The following SYNE1 variants were observed in gnomAD, a reference collection of about 807,000 sequenced individuals.
SYNE1 encodes nesprin-1.
A neutral mutation model predicts 1,111.0 loss-of-function variants in SYNE1; 616 were observed. The ratio of observed to expected loss-of-function variants is 0.55; its 90% CI spans 0.52 to 0.59. The LOEUF is 0.59. Ranked by LOEUF, SYNE1 falls within the 20% of genes least tolerant of loss-of-function variation. SYNE1 has a pLI of 0.00. For missense variants in SYNE1, 10,006 were observed against 10,417.0 expected (o/e 0.96, Z 1.72); for synonymous variants, 3,855 against 3,825.8 (o/e 1.01, Z -0.28).
chr6:152,409,797 G>T (rs1318076063), intron 42 of SYNE1, 88 bp from the exon 43 acceptor site: 3 of 1,393,042 alleles, frequency 2.2e-6, no homozygotes, highest in Non-Finnish European at 3.0e-6. Flanking sequence ...GTTTCACTAC[G>T]TAAAGGTATT....
chr6:152,607,103 G>GC (rs984122737), intron 3 of SYNE1, among the ~76,000 whole-genome samples: 29 of 144,246 alleles, frequency 2.0e-4, no homozygotes, highest in African/African-American at 7.0e-4. Flanking sequence ...TCCTGCCTCA[G>GC]CCCCCCCAGT....
chr6:152,367,442 A>C (rs564986015), intron 61 of SYNE1, 60 bp from the exon 62 acceptor site: 1 of 1,598,524 alleles, frequency 6.3e-7, no homozygotes, highest in South Asian at 1.1e-5. Context: ...CTGCAAAGCT[A>C]ACAGTTTGTT....
In SYNE1 at chr6:152,230,697, C is replaced by A; in HGVS notation, c.21045G>T (p.Gln7015His). ...ILQGLVTEKIQLLEGLLESWS... is the reference protein window; with the variant it reads ...ILQGLVTEKIHLLEGLLESWS... ...AAGATTCCAATAAGCCTTCCAACAG[C>A]TGGATCTGAACAAACACAATAAAAT... The change falls in exon 115 of 146, where the codon CAG (glutamine) becomes CAT (histidine). Residue 7015 changes from glutamine (Q) to histidine (H), a missense_variant. By Grantham distance (24) the Gln-to-His change is conservative (BLOSUM62 0). Coordinates refer to ENST00000367255, the MANE Select transcript of SYNE1 (RefSeq NM_182961.4). 3 of 1,613,894 alleles carry A rather than the reference C, an allele frequency of 1.9e-6. No homozygotes were observed. Among genetic ancestry groups the A allele is most frequent in the Non-Finnish European group, 2.5e-6 (3 of 1,179,890 alleles).
intron 39 of SYNE1, among the ~76,000 whole-genome samples, chr6:152,420,768 T>G (rs2098245907): frequency 6.9e-6 from 1 of 145,906 alleles, no homozygotes; most frequent in African/African-American, 2.7e-5. Flanking sequence ...GAAACATTGC[T>G]GATTCTTTTT....
chr6:152,326,095 C>G lies in SYNE1; in HGVS notation c.15301G>C (p.Ala5101Pro). 6.2e-7 allele frequency: 1 copy of G among 1,614,110 alleles called. No individual in the cohort carries two copies. The highest frequency in any genetic ancestry group is 8.5e-7 in the Non-Finnish European group (1 of 1,180,032). Residue 5101 changes from alanine to proline, a missense_variant, in exon 80 of 146, where the codon GCT becomes CCT. Coordinates refer to ENST00000367255, the MANE Select transcript of SYNE1 (RefSeq NM_182961.4). Reference protein sequence around the residue: ...AQVDLLQRCTAQWHDYQKARE... With the variant: ...AQVDLLQRCTPQWHDYQKARE... The stretch of plus-strand genomic sequence containing the variant: ...GCTTTCTGGTAATCGTGCCATTGAG[C>G]TGTGCATCTTGAAAGAGTCCAACAG...
intron 128 of SYNE1, among the ~76,000 whole-genome samples, chr6:152,181,991 T>A (rs2068211252): frequency 6.6e-6 from 1 of 152,210 alleles, no homozygotes; most frequent in South Asian, 2.1e-4. Context: ...TTGATTTGCA[T>A]TTCCCTAAAG....
At chr6:152,390,134 A>C (rs2097584597) in intron 53 of SYNE1, 146 bp downstream of exon 53, 1 of 844,118 alleles carries the variant, frequency 1.2e-6, no homozygotes, top group African/African-American at 1.7e-5. Flanking sequence ...CGCCCTATGG[A>C]AAACACAACT....
intron 128 of SYNE1, among the ~76,000 whole-genome samples, chr6:152,188,984 AATATATATATATATATATATATATAT>A (rs1190850842): frequency 8.7e-5 from 2 of 22,998 alleles, no homozygotes; most frequent in African/African-American, 2.7e-4. Flanking sequence ...AAAAAAAAAA[AATATATATATATATATATATATATAT>A]ATATATATAA....
chr6:152,284,118 A>C lies in SYNE1; in HGVS notation c.18067T>G (p.Ser6023Ala), dbSNP rs768810644. The change falls in exon 96 of 146, where the codon TCT becomes GCT. Residue 6023 changes from serine to alanine, a missense_variant. Around this residue, in one of 7 missense-constraint regions of SYNE1, gnomAD observed 4,955 missense variants for 5,017.2 expected, o/e 0.99. Transcript: ENST00000367255. ...LQDEINELQSSLAEELVSESC... is the reference protein window; with the variant it reads ...LQDEINELQSALAEELVSESC... ...TCGGATACCAGCTCCTCTGCGAGAG[A>C]GGACTGGAGCTCATTGATTTCATCC... 6.2e-7 allele frequency: 1 copy of C among 1,614,042 alleles called. No homozygotes were observed. Among genetic ancestry groups the C allele is most frequent in the Non-Finnish European group, 8.5e-7 (1 of 1,180,028 alleles).
chr6:152,488,527 T>C (rs1389096181), intron 11 of SYNE1, 24 bp from the exon 12 acceptor site: 1 of 1,241,864 alleles, frequency 8.1e-7, no homozygotes, highest in African/African-American at 1.5e-5. Context: ...GACATTACAA[T>C]TTTATTAGTA....
At chr6:152,465,217 A>G in intron 18 of SYNE1, 41 bp downstream of exon 18, 1 of 1,604,160 alleles carries the variant, frequency 6.2e-7, no homozygotes, top group Non-Finnish European at 8.5e-7. Context: ...TCATTTTTAC[A>G]TACATCAAAC....
At chr6:152,374,771 C>G (rs529542765) in intron 58 of SYNE1, among the ~76,000 whole-genome samples, 1 of 112,402 alleles carries the variant, frequency 8.9e-6, no homozygotes, top group East Asian at 2.7e-4. Flanking sequence ...AAACACTTTT[C>G]TCAAAAATAA....
Position 152,236,170 on chromosome 6 carries a change from C to T in SYNE1, c.20333G>A (p.Ser6778Asn). The part of the protein sequence containing the change: ...QLNQLGECWL[S>N]NTNKMSKELH... ...TTCCTTAGACATTTTATTGGTGTTACTTAGCCAGCACTCTCCAAGTTGATT... is the reference window on the plus strand; with the variant it reads ...TTCCTTAGACATTTTATTGGTGTTATTTAGCCAGCACTCTCCAAGTTGATT... Residue 6778 changes from serine (S) to asparagine (N), a missense_variant, in exon 110 of 146, where the codon AGT becomes AAT. Around this residue, in one of 7 missense-constraint regions of SYNE1, gnomAD observed 2,182 missense variants for 2,287.8 expected, o/e 0.95. Coordinates refer to ENST00000367255, the MANE Select transcript of SYNE1 (RefSeq NM_182961.4). 6.2e-7 allele frequency: 1 copy of T among 1,614,154 alleles called. No individual in the cohort carries two copies. The highest frequency in any genetic ancestry group is 8.5e-7 in the Non-Finnish European group (1 of 1,180,026).
chr6:152,362,561 A>C (rs1283937950), intron 63 of SYNE1, among the ~76,000 whole-genome samples: 2 of 152,148 alleles, frequency 1.3e-5, no homozygotes, highest in Non-Finnish European at 2.9e-5. Context: ...GGAACTAGCT[A>C]TCAACTCAAG....
intron 77 of SYNE1, among the ~76,000 whole-genome samples, chr6:152,332,372 A>G (rs1206094840): frequency 6.6e-6 from 1 of 152,246 alleles, no homozygotes; most frequent in Non-Finnish European, 1.5e-5. Context: ...ATTATGGAAT[A>G]CAAGTCTCAT....
chr6:152,462,855 C>T lies in SYNE1; in HGVS notation c.2133G>A (p.Lys711=). The change falls in exon 20 of 146, where the codon AAG becomes AAA. Residue 711 remains lysine (K), a synonymous_variant. Coordinates refer to ENST00000367255, the MANE Select transcript of SYNE1 (RefSeq NM_182961.4). The part of the protein sequence containing the change: ...AQADEMDRMK[K]EYTDCVVTLS... ...GGGTAACAACACAGTCTGTGTATTC[C>T]TTCTTCATTCTGTCCATCTCATCAG... 2 of 1,613,946 alleles carry T rather than the reference C, an allele frequency of 1.2e-6. No individual in the cohort carries two copies. Among genetic ancestry groups the T allele is most frequent in the Non-Finnish European group, 1.7e-6 (2 of 1,179,926 alleles).
intron 3 of SYNE1, among the ~76,000 whole-genome samples, chr6:152,558,549 T>A (rs1176581941): frequency 6.6e-6 from 1 of 152,190 alleles, no homozygotes; most frequent in Non-Finnish European, 1.5e-5. Flanking sequence ...GCTATCCTTA[T>A]ATCGCACAAT....
intron 97 of SYNE1, among the ~76,000 whole-genome samples, chr6:152,281,282 T>A (rs2094011320): frequency 6.6e-6 from 1 of 152,182 alleles, no homozygotes. Flanking sequence ...ATGCAATTAC[T>A]CCTCACAGTA....
chr6:152,609,821 T>A (rs2099626253), intron 3 of SYNE1, among the ~76,000 whole-genome samples: 1 of 152,184 alleles, frequency 6.6e-6, no homozygotes, highest in African/African-American at 2.4e-5. Context: ...TTTGCTGTTC[T>A]CCAGCCTCTG....
Sources: gnomAD v4.1 joint callset for allele counts (sites outside exome capture counted in the v4.1 genomes callset) on GRCh38, gnomAD v4.1.1 for gene constraint, gnomAD v4.1.1 regional missense constraint, MANE v1.5 for transcripts, NCBI Gene and HGNC (gene_info 2026-07-23, HGNC 2026-07-21) for gene names.